Variants in SORCS2 observed in about 807,000 individuals in gnomAD.
SORCS2 encodes sortilin related VPS10 domain containing receptor 2.
In SORCS2, 100 loss-of-function variants were observed where a neutral mutation model predicts 141.6. That is an observed-to-expected ratio of 0.71 (90% confidence interval 0.60 to 0.83). The LOEUF (loss-of-function observed/expected upper bound fraction) is 0.83, where lower values mean the gene tolerates loss of function less well. Among genes scored for constraint, SORCS2 ranks in the 40% least tolerant of loss-of-function variants. SORCS2 has a pLI of 0.00. For synonymous variants in SORCS2, 789 were observed against 676.9 expected (o/e 1.17, Z -2.57); for missense variants, 1,646 against 1,560.2 (o/e 1.05, Z -0.93).
intron 5 of SORCS2, among the ~76,000 whole-genome samples, chr4:7,655,528 G>A (rs977634987): frequency 1.3e-5 from 2 of 152,252 alleles, no homozygotes; most frequent in African/African-American, 2.4e-5. Flanking sequence ...GGAGACTGGC[G>A]TCCTGGCCAC....
rs368243598 is a variant in SORCS2, at chr4:7,620,112, G to A, written c.649-18216G>A. On this transcript the variant is annotated intron_variant, in intron 3 of 26. Transcript: ENST00000507866. ...CATCTGCTGGGCTGGGGACCACTGG[G>A]CGTTTCTCCTGAGCACCCCCAGCAC... Among the ~76,000 whole-genome samples the A allele has an allele frequency of 4.6e-5, 7 of 151,848 alleles. No homozygotes were observed. In the East Asian group the frequency reaches 7.8e-4, roughly 17 times the overall value.
intron 1 of SORCS2, among the ~76,000 whole-genome samples, chr4:7,251,981 A>G (rs1713534254): frequency 6.6e-6 from 1 of 152,070 alleles, no homozygotes. Context: ...TACTTATGAC[A>G]CACACCCCTC....
chr4:7,267,299 A>T (rs1190953239), intron 1 of SORCS2, among the ~76,000 whole-genome samples: 1 of 152,150 alleles, frequency 6.6e-6, no homozygotes, highest in African/African-American at 2.4e-5. Context: ...TTCAATTCTT[A>T]GCACAAAACA....
chr4:7,718,426 G>T (rs1454539275), intron 18 of SORCS2, among the ~76,000 whole-genome samples: 1 of 152,236 alleles, frequency 6.6e-6, no homozygotes, highest in Non-Finnish European at 1.5e-5. Context: ...GGGGGTATTA[G>T]GGTCCCCGCA....
chr4:7,676,621 T>C (rs1459822724), intron 9 of SORCS2, among the ~76,000 whole-genome samples: 1 of 151,682 alleles, frequency 6.6e-6, no homozygotes, highest in African/African-American at 2.4e-5. Context: ...TGCTTCTCTC[T>C]GAGTGCCCCA....
At chr4:7,457,677 G>T (rs1560301060) in intron 2 of SORCS2, among the ~76,000 whole-genome samples, 1 of 151,190 alleles carries the variant, frequency 6.6e-6, no homozygotes, top group Non-Finnish European at 1.5e-5. Flanking sequence ...CAGGGAGCAT[G>T]CCCCAGTGAA....
chr4:7,729,787 G>T, intron 23 of SORCS2, 75 bp downstream of exon 23: 1 of 1,545,838 alleles, frequency 6.5e-7, no homozygotes, highest in Non-Finnish European at 8.8e-7. Context: ...AACAAGCAGG[G>T]ACGTCTCAGT....
At chr4:7,549,900 GGCCTGTGAAAGCTGGCCCTAGACAGT>G (rs1337107136) in intron 3 of SORCS2, among the ~76,000 whole-genome samples, 1 of 152,124 alleles carries the variant, frequency 6.6e-6, no homozygotes, top group Non-Finnish European at 1.5e-5. Context: ...CATGCCACAG[GGCCTGTGAAAGCTGGCCCTAGACAGT>G]GGGATGGGTT....
At chr4:7,352,086 A>G (rs1720978110) in intron 1 of SORCS2, among the ~76,000 whole-genome samples, 1 of 152,216 alleles carries the variant, frequency 6.6e-6, no homozygotes, top group Non-Finnish European at 1.5e-5. Flanking sequence ...GGATGCAGTG[A>G]TGGACAAGTC....
At chr4:7,468,944 C>T (rs1729796039) in intron 2 of SORCS2, among the ~76,000 whole-genome samples, 1 of 152,216 alleles carries the variant, frequency 6.6e-6, no homozygotes, top group Admixed American at 6.5e-5. Flanking sequence ...CTTAACCTCT[C>T]TGAACTGCAA....
At chr4:7,536,199 A>G (rs1334084657) in intron 3 of SORCS2, among the ~76,000 whole-genome samples, 3 of 152,192 alleles carry the variant, frequency 2.0e-5, no homozygotes, top group Admixed American at 2.0e-4. Context: ...CTAGTGGTAC[A>G]AACTGTAGGC....
At chr4:7,473,865 G>A (rs985421870) in intron 2 of SORCS2, among the ~76,000 whole-genome samples, 6 of 152,182 alleles carry the variant, frequency 3.9e-5, no homozygotes, top group African/African-American at 1.2e-4. Flanking sequence ...GGGGAGAGGG[G>A]TTCCCCATGC....
At chr4:7,316,690 C>T (rs2108934382) in intron 1 of SORCS2, among the ~76,000 whole-genome samples, 1 of 152,310 alleles carries the variant, frequency 6.6e-6, no homozygotes, top group African/African-American at 2.4e-5. Context: ...TGGAAGAGTG[C>T]TGAAATGTTC....
intron 3 of SORCS2, among the ~76,000 whole-genome samples, chr4:7,614,128 C>G (rs1718599719): frequency 6.6e-6 from 1 of 151,028 alleles, no homozygotes; most frequent in Non-Finnish European, 1.5e-5. Flanking sequence ...TACCCACTGT[C>G]CATCCATCCC....
Position 7,683,870 on chromosome 4 carries a change from G to A in SORCS2, c.1488+981G>A, listed in dbSNP as rs142145893. ...CTCAAAGTAGCTGGGACTCTTGCCCGCTCTCATGTGGCTACCAGGGATCCA... is the reference window on the plus strand; with the variant it reads ...CTCAAAGTAGCTGGGACTCTTGCCCACTCTCATGTGGCTACCAGGGATCCA... On this transcript the variant is annotated intron_variant, in intron 10 of 26. Transcript: ENST00000507866. 3.4e-4 allele frequency among the ~76,000 whole-genome samples: 52 copies of A among 152,296 alleles called. No individual in the cohort carries two copies. In the East Asian group the frequency reaches 7.5e-3, roughly 22 times the overall value.
intron 1 of SORCS2, among the ~76,000 whole-genome samples, chr4:7,285,036 A>ATTT (rs34265329): frequency 0.011 from 1,474 of 140,100 alleles, 20 homozygotes; most frequent in South Asian, 0.017. Flanking sequence ...ATATATATAT[A>ATTT]TTTTTTTTTT....
chr4:7,271,655 G>A (rs1341868480), intron 1 of SORCS2, among the ~76,000 whole-genome samples: 1 of 152,258 alleles, frequency 6.6e-6, no homozygotes, highest in Admixed American at 6.5e-5. Context: ...TCTGCCACAG[G>A]AGGGGTGCGT....
chr4:7,389,079 C>T lies in SORCS2; in HGVS notation c.481-7209C>T, dbSNP rs376717950. 2.2e-4 allele frequency among the ~76,000 whole-genome samples: 34 copies of T among 152,294 alleles called. No homozygotes were observed. The East Asian group carries it at 3.1e-3, about 14-fold the overall frequency. On this transcript the variant is annotated intron_variant, in intron 1 of 26. Coordinates refer to ENST00000507866, the MANE Select transcript of SORCS2 (RefSeq NM_020777.3). ...TGCGGGTGGATCATTCCTGCCCCCA[C>T]GGGCAGTGCGTGTGGAGGTCTTGGA... is the stretch of plus-strand genomic sequence containing the variant.
At chr4:7,629,836 C>T (rs1719765758) in intron 3 of SORCS2, among the ~76,000 whole-genome samples, 1 of 152,124 alleles carries the variant, frequency 6.6e-6, no homozygotes, top group Non-Finnish European at 1.5e-5. Flanking sequence ...TCCCCCAAAC[C>T]AGTTCTTCCT....
Sources: allele counts gnomAD v4.1 joint callset (sites outside exome capture counted in the v4.1 genomes callset), GRCh38; gene constraint gnomAD v4.1.1; transcripts MANE v1.5; gene names NCBI Gene and HGNC (gene_info 2026-07-23, HGNC 2026-07-21).